The following MLKL variants were observed in gnomAD, a reference collection of about 807,000 sequenced individuals.
MLKL encodes the protein mixed lineage kinase domain like pseudokinase.
MLKL carries 55 observed loss-of-function variants against 56.5 expected under a neutral mutation model. The observed-to-expected ratio is 0.97, with a 90% confidence interval of 0.78 to 1.22. MLKL has a LOEUF of 1.22. Among genes scored for constraint, MLKL ranks in the 50% most tolerant of loss-of-function variants. The pLI is 0.00. For synonymous variants in MLKL, 251 were observed against 208.3 expected (o/e 1.20, Z -1.76); for missense variants, 694 against 573.9 (o/e 1.21, Z -2.14).
At chr16:74,694,380 G>A (rs1366072320) in intron 2 of MLKL, among the ~76,000 whole-genome samples, 1 of 152,158 alleles carries the variant, frequency 6.6e-6, no homozygotes, top group Admixed American at 6.5e-5. Flanking sequence ...GGTCAAGGAG[G>A]GAGATTTACT....
rs777466919 is a variant in MLKL at position 74,682,531 on chromosome 16, A to G, written c.956+120T>C. 510 of 1,360,382 alleles carry G rather than the reference A, an allele frequency of 3.7e-4. 5 individuals carry two copies. The highest frequency in any genetic ancestry group is 7.9e-5 in the Non-Finnish European group (79 of 996,978). The allele number at this position is 1,360,382 out of a possible 1,614,324, so 84.3% of individuals were successfully genotyped here. A position where few individuals can be genotyped will look rare whatever the true frequency, so the allele number is the denominator to read the frequency against. On this transcript the variant is annotated intron_variant, in intron 6 of 10. Transcript: ENST00000308807. Reference sequence around the variant, plus strand: ...ATCTGTAATCAGAGTAAATAGTAAAACAGTGTATGGGAGGGAGACTGTCTG... The same window carrying G: ...ATCTGTAATCAGAGTAAATAGTAAAGCAGTGTATGGGAGGGAGACTGTCTG...
chr16:74,693,902 C>T (rs759455045), intron 2 of MLKL, among the ~76,000 whole-genome samples: 11 of 151,674 alleles, frequency 7.3e-5, no homozygotes, highest in Non-Finnish European at 1.5e-4. Context: ...CCCGCCTGGC[C>T]GAAATGGTAA....
In MLKL at chr16:74,678,896, C is replaced by CA. The variant is rs1395872108; in HGVS notation, c.1038+2dup. On this transcript the variant is annotated splice_region_variant and intron_variant, in intron 7 of 10. Transcript: ENST00000308807. ...CCAAAGCGCCCCCGCAAGGCACACTCACCTTCACTTGGTAGCCTTGAGTTA... is the reference window on the plus strand; with the variant it reads ...CCAAAGCGCCCCCGCAAGGCACACTCAACCTTCACTTGGTAGCCTTGAGTTA... 1 of 1,613,966 alleles carries CA rather than the reference C, an allele frequency of 6.2e-7. No homozygotes were observed. Among genetic ancestry groups the CA allele is most frequent in the East Asian group, 2.2e-5 (1 of 44,886 alleles).
intron 3 of MLKL, among the ~76,000 whole-genome samples, chr16:74,691,775 A>G (rs561996884): frequency 6.6e-5 from 10 of 151,986 alleles, no homozygotes; most frequent in Non-Finnish European, 1.5e-4. Context: ...AAGGATGTCT[A>G]TTCCTGTTAC....
chr16:74,692,340 A>G lies in MLKL; in HGVS notation c.535+2T>C, dbSNP rs754143380. ...GAAACAGCAGGGCACATGATAACTT[A>G]CACTGCCTCAAAGTTTCCTTGATTT... is the stretch of plus-strand genomic sequence containing the variant. On this transcript the variant is annotated splice_donor_variant, in intron 3 of 10. Transcript: ENST00000308807. LOFTEE classifies it high-confidence loss of function. The G allele has an allele frequency of 6.2e-7, 1 of 1,613,124 alleles. No individual in the cohort carries two copies. The highest frequency in any genetic ancestry group is 8.5e-7 in the Non-Finnish European group (1 of 1,179,528).
Position 74,695,615 on chromosome 16 carries a change from T to G in MLKL, c.143A>C (p.Gln48Pro), listed in dbSNP as rs760614994. The G allele has an allele frequency of 1.2e-6, 2 of 1,614,220 alleles. No homozygotes were observed. Among genetic ancestry groups the G allele is most frequent in the East Asian group, 2.2e-5 (1 of 44,884 alleles). Reference protein sequence around the residue: ...LIKPLEMLQDQGKRSVPSEKL... With the variant: ...LIKPLEMLQDPGKRSVPSEKL... ...CTCAGAGGGCACGCTCCTCTTTCCT[T>G]GGTCCTGGAGCATCTCCAGAGGCTT... Residue 48 changes from glutamine to proline, a missense_variant, in exon 2 of 11, where the codon CAA (glutamine) becomes CCA (proline). Transcript: ENST00000308807.
At position 74,691,294 on chromosome 16, in the gene MLKL, G is replaced by A; in HGVS notation, c.705C>T (p.Leu235=). 6.2e-7 allele frequency: 1 copy of A among 1,611,218 alleles called. No homozygotes were observed. Among genetic ancestry groups the A allele is most frequent in the Non-Finnish European group, 8.5e-7 (1 of 1,179,144 alleles). Residue 235 remains leucine (L), a synonymous_variant, in exon 4 of 11, where the codon CTC becomes CTT. Transcript: ENST00000308807. ...CAACTTACGCAATGCTGCCAGCCTGGAGTTTTTTGAATACTTTTATGGCCA... is the reference window on the plus strand; with the variant it reads ...CAACTTACGCAATGCTGCCAGCCTGAAGTTTTTTGAATACTTTTATGGCCA... The part of the protein sequence containing the change: ...APVAIKVFKK[L]QAGSIAIVRQ...
Position 74,691,297 on chromosome 16 carries a change from T to C in MLKL, c.702A>G (p.Lys234=), listed in dbSNP as rs56247416. 9.3e-4 allele frequency: 1,491 copies of C among 1,598,684 alleles called. 24 individuals carry two copies. The Admixed American group carries it at 0.021, about 23-fold the overall frequency. Residue 234 remains lysine, a synonymous_variant, in exon 4 of 11, where the codon AAA becomes AAG. Coordinates refer to ENST00000308807, the MANE Select transcript of MLKL (RefSeq NM_152649.4). ...RAPVAIKVFK[K]LQAGSIAIVR... The stretch of plus-strand genomic sequence containing the variant: ...CTTACGCAATGCTGCCAGCCTGGAG[T>C]TTTTTGAATACTTTTATGGCCACTG...
Position 74,695,696 on chromosome 16 carries a change from A to T in MLKL, c.62T>A (p.Met21Lys). 2 of 1,614,024 alleles carry T rather than the reference A, an allele frequency of 1.2e-6. No individual in the cohort carries two copies. The highest frequency in any genetic ancestry group is 1.6e-4 in the Middle Eastern group (1 of 6,062). ...GQVIHKRCEE[M>K]KYCKKQCRRL... ...CCGGCACTGTTTCTTGCAGTATTTC[A>T]TCTCTTCACACCGTTTGTGGATGAC... Residue 21 changes from methionine (M) to lysine (K), a missense_variant, in exon 2 of 11, where the codon ATG becomes AAG. Coordinates refer to ENST00000308807, the MANE Select transcript of MLKL (RefSeq NM_152649.4).
chr16:74,688,389 A>G (rs545631992), intron 4 of MLKL, among the ~76,000 whole-genome samples: 1 of 152,288 alleles, frequency 6.6e-6, no homozygotes, highest in East Asian at 1.9e-4. Flanking sequence ...AAACCTAAAT[A>G]TAAGAGCCAA....
intron 6 of MLKL, among the ~76,000 whole-genome samples, chr16:74,680,142 G>T (rs1354809101): frequency 6.6e-6 from 1 of 152,128 alleles, no homozygotes. Flanking sequence ...GGGCTCCAGT[G>T]CCCACAGGCA....
intron 4 of MLKL, among the ~76,000 whole-genome samples, chr16:74,686,559 G>A (rs1464594878): frequency 6.6e-6 from 1 of 152,170 alleles, no homozygotes; most frequent in African/African-American, 2.4e-5. Flanking sequence ...CTCCAGCCTG[G>A]GTGACAGAAC....
intron 10 of MLKL, among the ~76,000 whole-genome samples, chr16:74,674,731 C>A (rs926092616): frequency 7.2e-5 from 11 of 152,154 alleles, no homozygotes; most frequent in African/African-American, 2.7e-4. Flanking sequence ...GCATGAGCAA[C>A]CGCACCCAGC....
chr16:74,684,297 G>C (rs1324555086), intron 5 of MLKL, among the ~76,000 whole-genome samples: 3 of 151,934 alleles, frequency 2.0e-5, no homozygotes, highest in Admixed American at 6.6e-5. Context: ...AAGTTGGCCT[G>C]AGGCTGTGGA....
intron 4 of MLKL, among the ~76,000 whole-genome samples, chr16:74,689,631 A>G (rs955747302): frequency 3.9e-5 from 6 of 152,182 alleles, no homozygotes; most frequent in Middle Eastern, 3.2e-3. Context: ...CAGATATCGA[A>G]ATTTACTGCA....
intron 6 of MLKL, among the ~76,000 whole-genome samples, chr16:74,680,487 GT>G (rs931902683): frequency 4.4e-4 from 67 of 150,908 alleles, no homozygotes; most frequent in African/African-American, 1.6e-3. Context: ...TTTTTTTTTT[GT>G]TTTTTTGTTT....
chr16:74,679,065 C>T (rs1959780895), intron 6 of MLKL, 85 bp from the exon 7 acceptor site: 1 of 1,063,268 alleles, frequency 9.4e-7, no homozygotes, highest in African/African-American at 1.6e-5. Flanking sequence ...GCTGATGAGG[C>T]TGGACAGTAC....
chr16:74,691,297 T>A lies in MLKL; in HGVS notation c.702A>T (p.Lys234Asn). The change falls in exon 4 of 11, where the codon AAA (lysine) becomes AAT (asparagine). Residue 234 changes from lysine to asparagine, a missense_variant. Transcript: ENST00000308807. ...RAPVAIKVFKKLQAGSIAIVR... is the reference protein window; with the variant it reads ...RAPVAIKVFKNLQAGSIAIVR... ...CTTACGCAATGCTGCCAGCCTGGAG[T>A]TTTTTGAATACTTTTATGGCCACTG... The A allele has an allele frequency of 1.3e-6, 2 of 1,598,690 alleles. No individual in the cohort carries two copies. The highest frequency in any genetic ancestry group is 1.1e-5 in the South Asian group (1 of 89,458).
At position 74,672,440 on chromosome 16, in the gene MLKL, G is replaced by A; in HGVS notation, c.*64C>T. ...AATGCCGAAGGATATGAGAGAGAGAGATGTCCAGTTTGTGCCTCTCCCAGC... is the reference window on the plus strand; with the variant it reads ...AATGCCGAAGGATATGAGAGAGAGAAATGTCCAGTTTGTGCCTCTCCCAGC... On this transcript the variant is annotated 3_prime_UTR_variant, in exon 11 of 11. Coordinates refer to ENST00000308807, the MANE Select transcript of MLKL (RefSeq NM_152649.4). 1 of 1,431,352 alleles carries A rather than the reference G, an allele frequency of 7.0e-7. No homozygotes were observed. 88.7% of individuals were successfully genotyped at this position (1,431,352 alleles called of 1,614,324 possible).
Sources: allele counts gnomAD v4.1 joint callset (sites outside exome capture counted in the v4.1 genomes callset), GRCh38; gene constraint gnomAD v4.1.1; transcripts MANE v1.5; gene names NCBI Gene and HGNC (gene_info 2026-07-23, HGNC 2026-07-21).